Variants in HPRT1 observed in about 807,000 individuals in gnomAD.
The protein encoded by HPRT1 is hypoxanthine phosphoribosyltransferase 1.
HPRT1 carries 4 observed loss-of-function variants against 19.0 expected under a neutral mutation model. The ratio of observed to expected loss-of-function variants is 0.21; its 90% confidence interval spans 0.10 to 0.48. The LOEUF (loss-of-function observed/expected upper bound fraction) is 0.48, where lower values mean the gene tolerates loss of function less well. HPRT1 is among the 20% of genes least tolerant of loss of function. The probability of loss-of-function intolerance (pLI) is 0.98; values close to 1 mark genes in which losing one functional copy is unlikely to be tolerated. For synonymous variants in HPRT1, 53 were observed against 54.9 expected (o/e 0.97, Z 0.15); for missense variants, 65 against 164.0 (o/e 0.40, Z 3.30).
intron 3 of HPRT1, among the ~76,000 whole-genome samples, chrX:134,483,907 A>T (rs1438068910): frequency 8.9e-6 from 1 of 112,171 alleles, no homozygotes; most frequent in African/African-American, 3.2e-5. Flanking sequence ...TGGTGACTCA[A>T]GCCTGTAATC....
intron 1 of HPRT1, among the ~76,000 whole-genome samples, chrX:134,468,188 G>A (rs73557308): frequency 0.013 from 1,390 of 107,193 alleles, 23 homozygotes; most frequent in African/African-American, 0.046. Flanking sequence ...TACACTGTAA[G>A]TTCTGTGAGG....
intron 1 of HPRT1, among the ~76,000 whole-genome samples, chrX:134,464,438 T>G (rs2077591829): frequency 8.9e-6 from 1 of 112,070 alleles, no homozygotes. Flanking sequence ...TATCTGAATA[T>G]AAAAGGTAAA....
rs1191120507 is a variant in HPRT1 at position 134,460,322 on chromosome X, G to A, written c.11G>A (p.Arg4His). 1 of 1,130,443 alleles carries A rather than the reference G, an allele frequency of 8.8e-7. No homozygotes were observed. The allele number at this position is 1,130,443 out of a possible 1,213,427, so 93.2% of individuals were successfully genotyped here. MAT[R>H]SPGVVISDDE... is the part of the protein sequence containing the mutation. ...CCGGCCGGCTCCGTTATGGCGACCC[G>A]CAGCCCTGGCGTCGTGGTGAGCAGC... Residue 4 changes from arginine to histidine, a missense_variant, in exon 1 of 9, where the codon CGC becomes CAC. By Grantham distance (29) the Arg-to-His change is conservative (BLOSUM62 0). Coordinates refer to ENST00000298556, the MANE Select transcript of HPRT1 (RefSeq NM_000194.3).
intron 1 of HPRT1, among the ~76,000 whole-genome samples, chrX:134,472,700 G>A (rs1274980428): frequency 9.0e-6 from 1 of 110,548 alleles, no homozygotes; most frequent in Non-Finnish European, 1.9e-5. Context: ...CCAAGTAGCT[G>A]GGATTACAGG....
chrX:134,477,343 G>A (rs906689340), intron 3 of HPRT1, among the ~76,000 whole-genome samples: 6 of 109,793 alleles, frequency 5.5e-5, no homozygotes, highest in African/African-American at 2.0e-4. Flanking sequence ...TTATAGGCAT[G>A]AGCCACCGTG....
chrX:134,477,798 C>T (rs776050014), intron 3 of HPRT1, among the ~76,000 whole-genome samples: 1 of 110,923 alleles, frequency 9.0e-6, no homozygotes, highest in East Asian at 2.8e-4. Flanking sequence ...TTCGGCCTCC[C>T]GAGTAGCTGG....
At chrX:134,499,892 GA>G (rs1331396782) in intron 8 of HPRT1, 137 bp from the exon 9 acceptor site, 7 of 478,805 alleles carry the variant, frequency 1.5e-5, no homozygotes, top group Non-Finnish European at 2.6e-5. Context: ...AAAAGTTACT[GA>G]TCTAAAATAC....
chrX:134,496,043 A>G (rs2077679614), intron 6 of HPRT1, among the ~76,000 whole-genome samples: 1 of 112,380 alleles, frequency 8.9e-6, no homozygotes, highest in African/African-American at 3.2e-5. Flanking sequence ...GCTTTTATGA[A>G]TAATGTTGAT....
rs2077662859 is a variant in HPRT1, at chrX:134,490,177, T to C, written c.385-11T>C. 9.8e-7 allele frequency: 1 copy of C among 1,022,304 alleles called. No individual in the cohort carries two copies. Among genetic ancestry groups the C allele is most frequent in the African/African-American group, 1.8e-5 (1 of 54,363 alleles). 84.2% of individuals were successfully genotyped at this position (1,022,304 alleles called of 1,213,427 possible). A position where few individuals can be genotyped will look rare whatever the true frequency, so the allele number is the denominator to read the frequency against. ...TCATTGTACTGATTTTCATTTCTCTTTTTCTTCTAGAATGTCTTGATTGTG... is the reference window on the plus strand; with the variant it reads ...TCATTGTACTGATTTTCATTTCTCTCTTTCTTCTAGAATGTCTTGATTGTG... On this transcript the variant is annotated splice_polypyrimidine_tract_variant and intron_variant, in intron 4 of 8. Coordinates refer to ENST00000298556, the MANE Select transcript of HPRT1 (RefSeq NM_000194.3).
At position 134,460,246 on chromosome X, in the gene HPRT1, C is replaced by A. The variant is rs1467458383; in HGVS notation, c.-66C>A. ...GCCGCCTCTTGCTGCGCCTCCGCCT[C>A]CTCCTCTGCTCCGCCACCGGCTTCC... On this transcript the variant is annotated 5_prime_UTR_variant, in exon 1 of 9. Transcript: ENST00000298556. The A allele has an allele frequency of 9.2e-7, 1 of 1,089,448 alleles. No homozygotes were observed. The highest frequency in any genetic ancestry group is 1.9e-5 in the African/African-American group (1 of 51,904). The allele number at this position is 1,089,448 out of a possible 1,213,427, so 89.8% of individuals were successfully genotyped here. A position where few individuals can be genotyped will look rare whatever the true frequency, so the allele number is the denominator to read the frequency against.
chrX:134,470,601 A>T (rs767020555), intron 1 of HPRT1, among the ~76,000 whole-genome samples: 2 of 111,739 alleles, frequency 1.8e-5, no homozygotes, highest in Admixed American at 9.6e-5. Context: ...AGCTTAAATC[A>T]TCAGCTTCTT....
chrX:134,487,711 A>G (rs2077657248), intron 4 of HPRT1, among the ~76,000 whole-genome samples: 1 of 112,246 alleles, frequency 8.9e-6, no homozygotes, highest in Non-Finnish European at 1.9e-5. Context: ...ATCTTGTCCC[A>G]TATCAGGGTC....
At chrX:134,498,946 C>T (rs2077688256) in intron 8 of HPRT1, among the ~76,000 whole-genome samples, 1 of 111,616 alleles carries the variant, frequency 9.0e-6, no homozygotes, top group Admixed American at 9.5e-5. Flanking sequence ...TAAATGTGGT[C>T]ATAAGTAAGA....
At chrX:134,480,434 CTT>C (rs1431482220) in intron 3 of HPRT1, among the ~76,000 whole-genome samples, 2 of 99,282 alleles carry the variant, frequency 2.0e-5, no homozygotes, top group East Asian at 6.7e-4. Context: ...AACTATAACT[CTT>C]TATCTTTAAT....
chrX:134,481,741 T>G (rs145723577), intron 3 of HPRT1, among the ~76,000 whole-genome samples: 2,192 of 111,907 alleles, frequency 0.02, 24 homozygotes, highest in Non-Finnish European at 0.031. Context: ...GTAGTCCTTA[T>G]CAGGTAACTG....
rs778073073 is a variant in HPRT1 at position 134,483,947 on chromosome X, A to T, written c.319-2518A>T. On this transcript the variant is annotated intron_variant, in intron 3 of 8. Coordinates refer to ENST00000298556, the MANE Select transcript of HPRT1 (RefSeq NM_000194.3). ...CACTTTAGGAGGCCGAGGCAGGAGG[A>T]TCGCTTGAGTCCAGGAGTTCAAGAC... is the stretch of plus-strand genomic sequence containing the variant. 7.1e-5 allele frequency among the ~76,000 whole-genome samples: 8 copies of T among 112,028 alleles called. No individual in the cohort carries two copies. In the East Asian group the frequency reaches 2.2e-3, roughly 31 times the overall value.
At chrX:134,472,337 C>T (rs2077612418) in intron 1 of HPRT1, among the ~76,000 whole-genome samples, 1 of 111,048 alleles carries the variant, frequency 9.0e-6, no homozygotes, top group South Asian at 3.8e-4. Flanking sequence ...ACTTGTTTTA[C>T]TAAATTTTCA....
Position 134,498,387 on chromosome X carries a change from C to T in HPRT1, c.486-3C>T. ...GTTATATGTCACATTTTGTAATTAA[C>T]AGCTTGCTGGTGAAAAGGACCCCAC... On this transcript the variant is annotated splice_polypyrimidine_tract_variant and splice_region_variant and intron_variant, in intron 6 of 8. Transcript: ENST00000298556. 8.4e-7 allele frequency: 1 copy of T among 1,197,352 alleles called. No homozygotes were observed. Among genetic ancestry groups the T allele is most frequent in the East Asian group, 3.0e-5 (1 of 33,792 alleles).
In HPRT1 at chrX:134,494,385, A is replaced by G. The variant is rs952624368; in HGVS notation, c.485+795A>G. Among the ~76,000 whole-genome samples the G allele has an allele frequency of 3.6e-5, 4 of 112,349 alleles. No homozygotes were observed. The East Asian group carries it at 8.3e-4, about 23-fold the overall frequency. ...GCAGTTTTTATGTAGGGGTCAGGTA[A>G]TGTTCTAACTTCTGCTTTTTCCTAA... On this transcript the variant is annotated intron_variant, in intron 6 of 8. Transcript: ENST00000298556.
Sources: allele counts gnomAD v4.1 joint callset (sites outside exome capture counted in the v4.1 genomes callset), GRCh38; gene constraint gnomAD v4.1.1; transcripts MANE v1.5; gene names NCBI Gene and HGNC (gene_info 2026-07-23, HGNC 2026-07-21).